The following TBC1D5 variants were observed in gnomAD, a reference collection of about 807,000 sequenced individuals.
The protein encoded by TBC1D5 is TBC1 domain family, member 5.
TBC1D5 carries 75 observed loss-of-function variants against 100.3 expected under a neutral mutation model. The ratio of observed to expected loss-of-function variants is 0.75; its 90% CI spans 0.62 to 0.91. The LOEUF (loss-of-function observed/expected upper bound fraction) is 0.91. Ranked by LOEUF, TBC1D5 falls within the 40% of genes least tolerant of loss-of-function variation. The pLI, the probability that TBC1D5 is intolerant of heterozygous loss-of-function variation, is 0.00. For synonymous variants in TBC1D5, 323 were observed against 325.6 expected (o/e 0.99, Z 0.09); for missense variants, 910 against 942.4 (o/e 0.97, Z 0.45).
chr3:17,225,030 T>G (rs1214105313), intron 17 of TBC1D5, among the ~76,000 whole-genome samples: 1 of 152,084 alleles, frequency 6.6e-6, no homozygotes, highest in African/African-American at 2.4e-5. Flanking sequence ...TTCAGACCCT[T>G]AAGAAAATGG....
intron 1 of TBC1D5, among the ~76,000 whole-genome samples, chr3:17,706,880 A>G (rs542769888): frequency 6.6e-6 from 1 of 151,898 alleles, no homozygotes; most frequent in South Asian, 2.1e-4. Flanking sequence ...AAAAAAAGTC[A>G]TTAATTTTCA....
At chr3:17,260,618 G>C (rs2078192950) in intron 15 of TBC1D5, among the ~76,000 whole-genome samples, 1 of 152,186 alleles carries the variant, frequency 6.6e-6, no homozygotes, top group South Asian at 2.1e-4. Flanking sequence ...AATAAAATCA[G>C]AGGTTATGGT....
intron 1 of TBC1D5, among the ~76,000 whole-genome samples, chr3:17,693,299 G>A (rs2153832977): frequency 6.6e-6 from 1 of 152,378 alleles, no homozygotes; most frequent in African/African-American, 2.4e-5. Flanking sequence ...ACCGGGAAGT[G>A]CAAGGGGTCA....
In TBC1D5 at chr3:17,250,487, C is replaced by T. The variant is rs950829571; in HGVS notation, c.1331+8019G>A. On this transcript the variant is annotated intron_variant, in intron 16 of 21. Transcript: ENST00000253692. ...CATGATCTAGCCTCCTACTATCTCT[C>T]CAACCTCATTTACTACCAATGTCAT... Among the ~76,000 whole-genome samples the T allele has an allele frequency of 7.9e-4, 120 of 152,240 alleles. 10 individuals are homozygous for T. Among genetic ancestry groups the T allele is most frequent in the Non-Finnish European group, 4.4e-5 (3 of 68,050 alleles).
intron 18 of TBC1D5, among the ~76,000 whole-genome samples, chr3:17,212,571 C>T (rs1248316655): frequency 6.6e-6 from 1 of 151,904 alleles, no homozygotes; most frequent in Non-Finnish European, 1.5e-5. Context: ...CAGAAGAAGG[C>T]ATTGTTACCA....
chr3:17,608,085 C>T (rs943782104), intron 2 of TBC1D5, among the ~76,000 whole-genome samples: 3 of 152,058 alleles, frequency 2.0e-5, no homozygotes, highest in Non-Finnish European at 4.4e-5. Flanking sequence ...TGCGAAACCC[C>T]GTCTCTACTA....
At chr3:17,490,283 T>C (rs1248387413) in intron 3 of TBC1D5, among the ~76,000 whole-genome samples, 1 of 151,984 alleles carries the variant, frequency 6.6e-6, no homozygotes, top group Non-Finnish European at 1.5e-5. Context: ...TTTTCTCCCA[T>C]ACTGTAGGCT....
chr3:17,692,133 C>T (rs771348698), intron 1 of TBC1D5, among the ~76,000 whole-genome samples: 17 of 152,078 alleles, frequency 1.1e-4, no homozygotes, highest in African/African-American at 2.7e-4. Flanking sequence ...CGTTCTGTCA[C>T]GCAGGCTGAA....
intron 2 of TBC1D5, among the ~76,000 whole-genome samples, chr3:17,602,400 T>A (rs1457074276): frequency 6.6e-6 from 1 of 152,056 alleles, no homozygotes; most frequent in Non-Finnish European, 1.5e-5. Context: ...ACACGATCCC[T>A]GGTGCTCAGT....
chr3:17,252,539 T>C (rs2149319338), intron 16 of TBC1D5, among the ~76,000 whole-genome samples: 1 of 152,030 alleles, frequency 6.6e-6, no homozygotes, highest in Non-Finnish European at 1.5e-5. Context: ...ACTAGGAGGG[T>C]TTCCTGGGCA....
chr3:17,620,391 G>A (rs2062559265), intron 2 of TBC1D5, among the ~76,000 whole-genome samples: 1 of 152,234 alleles, frequency 6.6e-6, no homozygotes, highest in Non-Finnish European at 1.5e-5. Context: ...TTGTAAAATA[G>A]TGGAAACTAC....
chr3:17,311,627 T>C (rs938798619), intron 13 of TBC1D5, among the ~76,000 whole-genome samples: 4 of 152,090 alleles, frequency 2.6e-5, no homozygotes, highest in African/African-American at 9.7e-5. Context: ...TAAATAAACA[T>C]AGCCTTAATC....
intron 20 of TBC1D5, 142 bp downstream of exon 21, chr3:17,167,607 T>C (rs2066760178): frequency 1.5e-6 from 1 of 680,352 alleles, no homozygotes; most frequent in Non-Finnish European, 2.6e-6. Context: ...CACAAAGAGG[T>C]GGTGATGCAG....
chr3:17,167,956 T>C (rs1203737395), intron 19 of TBC1D5, 128 bp from the exon 21 acceptor site: 3 of 672,836 alleles, frequency 4.5e-6, no homozygotes, highest in Non-Finnish European at 7.7e-6. Flanking sequence ...CCACAAAAGA[T>C]GCTCTGCAAA....
chr3:17,376,518 A>C lies in TBC1D5; in HGVS notation c.701+7T>G, dbSNP rs1373894621. ...CAAATGGAGCTCATATTAAAAAAAA[A>C]ACTTGCCTGGGCTGTGCAGACTCAC... On this transcript the variant is annotated splice_region_variant and intron_variant, in intron 10 of 21. Transcript: ENST00000253692. 1.3e-6 allele frequency: 2 copies of C among 1,587,476 alleles called. No individual in the cohort carries two copies. The highest frequency in any genetic ancestry group is 1.7e-6 in the Non-Finnish European group (2 of 1,172,682).
intron 8 of TBC1D5, among the ~76,000 whole-genome samples, chr3:17,397,149 G>A (rs1050132962): frequency 6.6e-6 from 1 of 151,948 alleles, no homozygotes; most frequent in African/African-American, 2.4e-5. Context: ...AGAATTTAAA[G>A]AATTTTTTTT....
intron 11 of TBC1D5, 34 bp downstream of exon 11, chr3:17,374,595 A>G (rs762232911): frequency 6.2e-7 from 1 of 1,609,150 alleles, no homozygotes; most frequent in Non-Finnish European, 8.5e-7. Flanking sequence ...ATGATGGTAT[A>G]AAAAAATAAA....
chr3:17,666,052 T>G (rs1043701225), intron 1 of TBC1D5, among the ~76,000 whole-genome samples: 14 of 152,216 alleles, frequency 9.2e-5, no homozygotes, highest in Non-Finnish European at 1.6e-4. Context: ...TTCATCTTTC[T>G]ATACATTGCC....
chr3:17,649,254 A>T (rs1449822655), intron 1 of TBC1D5, among the ~76,000 whole-genome samples: 1 of 152,186 alleles, frequency 6.6e-6, no homozygotes, highest in Non-Finnish European at 1.5e-5. Flanking sequence ...CCATGTTCTT[A>T]TAAGTGGGGC....
Sources: allele counts gnomAD v4.1 joint callset (sites outside exome capture counted in the v4.1 genomes callset), GRCh38; gene constraint gnomAD v4.1.1; transcripts MANE v1.5; gene names NCBI Gene and HGNC (gene_info 2026-07-23, HGNC 2026-07-21).